Variants in TAOK3 observed in about 807,000 individuals in gnomAD.
TAOK3 encodes serine/threonine-protein kinase TAO3.
Under a neutral mutation model 120.4 loss-of-function variants are expected in TAOK3, and 40 were observed. That is an observed-to-expected ratio of 0.33 (90% CI 0.26 to 0.43). The LOEUF is 0.43. TAOK3 is among the 20% of genes least tolerant of loss of function. The probability of loss-of-function intolerance (pLI) is 1.00; values close to 1 mark genes in which losing one functional copy is unlikely to be tolerated. For missense variants in TAOK3, 821 were observed against 1,112.1 expected (o/e 0.74, Z 3.72); for synonymous variants, 355 against 387.5 (o/e 0.92, Z 0.99).
At chr12:118,246,001 C>A (rs367674678) in intron 3 of TAOK3, 2 of 592,620 alleles carry the variant, frequency 3.4e-6, no homozygotes, top group Non-Finnish European at 2.9e-6. Context: ...AAGTAGAATC[C>A]AATTTTTGCA....
At position 118,345,013 on chromosome 12, in the gene TAOK3, T is replaced by C. The variant is rs2044795021; in HGVS notation, c.-194+27635A>G. On this transcript the variant is annotated intron_variant, in intron 1 of 20. Coordinates refer to ENST00000392533, the MANE Select transcript of TAOK3 (RefSeq NM_016281.4). ...AGGTGTTAGCCAGTTAAAGGATCAC[T>C]AGCAAATTTCATGAGGTTAGTCTAC... Among the ~76,000 whole-genome samples the C allele has an allele frequency of 2.0e-5, 3 of 152,184 alleles. No individual in the cohort carries two copies. In the South Asian group the frequency reaches 6.2e-4, roughly 32 times the overall value.
intron 11 of TAOK3, among the ~76,000 whole-genome samples, chr12:118,207,373 T>A (rs1248295930): frequency 6.6e-6 from 1 of 151,328 alleles, no homozygotes; most frequent in African/African-American, 2.4e-5. Flanking sequence ...AATTCTACCA[T>A]CTCGAAATAA....
chr12:118,222,544 A>G (rs898320456), intron 9 of TAOK3, among the ~76,000 whole-genome samples: 25 of 151,552 alleles, frequency 1.6e-4, no homozygotes, highest in Non-Finnish European at 2.9e-4. Context: ...AAAAAAAAAA[A>G]GAAAGAAAGA....
At chr12:118,233,264 AG>A (rs555310516) in intron 9 of TAOK3, among the ~76,000 whole-genome samples, 13,490 of 63,726 alleles carry the variant, frequency 0.21, 887 homozygotes, top group Middle Eastern at 0.31. Flanking sequence ...GGGTGGGGGG[AG>A]GGGGGAGGGA....
intron 1 of TAOK3, among the ~76,000 whole-genome samples, chr12:118,327,954 C>T (rs2043997467): frequency 6.6e-6 from 1 of 152,150 alleles, no homozygotes; most frequent in Admixed American, 6.6e-5. Flanking sequence ...ACACTAACTT[C>T]CACTTACTGA....
intron 1 of TAOK3, among the ~76,000 whole-genome samples, chr12:118,340,107 C>T (rs1332957362): frequency 6.6e-6 from 1 of 152,172 alleles, no homozygotes; most frequent in African/African-American, 2.4e-5. Context: ...AGATATTGAT[C>T]TCTGGAGAGA....
intron 1 of TAOK3, among the ~76,000 whole-genome samples, chr12:118,286,553 T>TA (rs1192609421): frequency 2.1e-5 from 3 of 141,036 alleles, no homozygotes; most frequent in Admixed American, 7.0e-5. Context: ...AGAATGGCCA[T>TA]AATAAAAAAA....
rs1323558017 is a variant in TAOK3, at chr12:118,220,139, C to T, written c.644-6029G>A. Among the ~76,000 whole-genome samples the T allele has an allele frequency of 3.3e-5, 5 of 151,970 alleles. No individual in the cohort carries two copies. In the East Asian group the frequency reaches 9.7e-4, roughly 30 times the overall value. ...CCCAAGCTTGTCTCAAACTCCCAGG[C>T]TCAGGCGATCCTCCCACCTTAGCCT... On this transcript the variant is annotated intron_variant, in intron 9 of 20. Coordinates refer to ENST00000392533, the MANE Select transcript of TAOK3 (RefSeq NM_016281.4).
Position 118,185,627 on chromosome 12 carries a change from CTG to C in TAOK3, c.1330-4022_1330-4021del, listed in dbSNP as rs1351355291. ...ATTCTTTAGAATACCTAAGGAAAAA[CTG>C]TTTTTTAAATTTTTGCTAAAAGTAA... On this transcript the variant is annotated intron_variant, in intron 14 of 20. Coordinates refer to ENST00000392533, the MANE Select transcript of TAOK3 (RefSeq NM_016281.4). Among the ~76,000 whole-genome samples the C allele has an allele frequency of 3.3e-5, 5 of 152,252 alleles. No homozygotes were observed. The East Asian group carries it at 9.6e-4, about 29-fold the overall frequency.
In TAOK3 at chr12:118,364,072, G is replaced by A. The variant is rs1035950610; in HGVS notation, c.-194+8576C>T. ...AATTGCTTGAACCCGGGAGGCAGAGGTTGCAGTGAGTGGAGATGGCGCCAT... is the reference window on the plus strand; with the variant it reads ...AATTGCTTGAACCCGGGAGGCAGAGATTGCAGTGAGTGGAGATGGCGCCAT... On this transcript the variant is annotated intron_variant, in intron 1 of 20. Transcript: ENST00000392533. Among the ~76,000 whole-genome samples, 7 of 152,088 alleles carry A rather than the reference G, an allele frequency of 4.6e-5. No homozygotes were observed. The East Asian group carries it at 1.4e-3, about 29-fold the overall frequency.
At chr12:118,346,466 T>G (rs924257718) in intron 1 of TAOK3, among the ~76,000 whole-genome samples, 1 of 152,224 alleles carries the variant, frequency 6.6e-6, no homozygotes, top group Non-Finnish European at 1.5e-5. Context: ...TTCTATTCTA[T>G]AGAAAATACA....
chr12:118,263,816 A>G (rs1319979255), intron 2 of TAOK3, among the ~76,000 whole-genome samples: 1 of 152,240 alleles, frequency 6.6e-6, no homozygotes, highest in Non-Finnish European at 1.5e-5. Flanking sequence ...CTGTAATCCC[A>G]GCACTTTGGG....
rs79559018 is a variant in TAOK3 at position 118,161,316 on chromosome 12, G to A, written c.2139+472C>T. Among the ~76,000 whole-genome samples the A allele has an allele frequency of 6.4e-3, 977 of 152,322 alleles. 5 individuals are homozygous for A. The highest frequency in any genetic ancestry group is 0.027 in the Middle Eastern group (8 of 294). The stretch of plus-strand genomic sequence containing the variant: ...TCTCTGCATCTCTAGTGCAGAAGTG[G>A]TAAATGCCTGGCACTTATAGATTCA... On this transcript the variant is annotated intron_variant, in intron 18 of 20. Transcript: ENST00000392533. This position sits in a 1 kb window ranked among gnomAD's most constrained non-coding sequence, Gnocchi z 4.5.
intron 19 of TAOK3, among the ~76,000 whole-genome samples, chr12:118,157,847 TAAGC>T (rs138790788): frequency 0.017 from 2,610 of 152,318 alleles, 73 homozygotes; most frequent in African/African-American, 0.06. Flanking sequence ...CATGCATGCT[TAAGC>T]ATCTCCCAAC....
intron 17 of TAOK3, among the ~76,000 whole-genome samples, chr12:118,167,823 T>G (rs534980004): frequency 6.6e-6 from 1 of 152,306 alleles, no homozygotes; most frequent in East Asian, 1.9e-4. Flanking sequence ...AAAAAGTGGT[T>G]GGAGGAGGTA....
At chr12:118,204,380 G>A (rs919532777) in intron 11 of TAOK3, among the ~76,000 whole-genome samples, 5 of 152,096 alleles carry the variant, frequency 3.3e-5, no homozygotes, top group Non-Finnish European at 7.4e-5. Context: ...GGCCTTAGCT[G>A]ATGAAATGAA....
intron 3 of TAOK3, among the ~76,000 whole-genome samples, chr12:118,247,366 T>C (rs1160546631): frequency 6.6e-6 from 1 of 152,154 alleles, no homozygotes; most frequent in Non-Finnish European, 1.5e-5. Flanking sequence ...CTCATAATTA[T>C]GTCTACTTGT....
At chr12:118,271,944 T>G (rs755377216) in intron 1 of TAOK3, among the ~76,000 whole-genome samples, 1 of 152,248 alleles carries the variant, frequency 6.6e-6, no homozygotes, top group Non-Finnish European at 1.5e-5. Context: ...AATGTAGAAC[T>G]GCGCCAAGAA....
intron 1 of TAOK3, among the ~76,000 whole-genome samples, chr12:118,278,519 C>T (rs991630189): frequency 1.6e-4 from 24 of 152,046 alleles, no homozygotes; most frequent in Admixed American, 1.4e-3. Flanking sequence ...GTATATGCAC[C>T]ACATTTTCTT....
Sources: allele counts gnomAD v4.1 joint callset (sites outside exome capture counted in the v4.1 genomes callset), GRCh38; gene constraint gnomAD v4.1.1; non-coding constraint Gnocchi (gnomAD v3.1); transcripts MANE v1.5; gene names NCBI Gene and HGNC (gene_info 2026-07-23, HGNC 2026-07-21).